CSNK1G3: variants seen among roughly 807,000 people sequenced by gnomAD.
CSNK1G3 encodes casein kinase 1 gamma 3.
In CSNK1G3, 23 loss-of-function variants were observed where a neutral mutation model predicts 64.3. That is an observed-to-expected ratio of 0.36 (90% confidence interval 0.26 to 0.51). CSNK1G3 has a LOEUF of 0.51. CSNK1G3 is among the 20% of genes least tolerant of loss of function. The pLI is 0.96. For missense variants in CSNK1G3, 357 were observed against 510.5 expected, an observed-to-expected ratio of 0.70 and a Z score of 2.90; for synonymous variants, 158 against 162.2, an observed-to-expected ratio of 0.97 and a Z score of 0.20.
At chr5:123,558,224 A>G (rs1212824477) in intron 4 of CSNK1G3, among the ~76,000 whole-genome samples, 3 of 152,192 alleles carry the variant, frequency 2.0e-5, no homozygotes, top group Non-Finnish European at 4.4e-5. Flanking sequence ...TGTTGTTGTA[A>G]GCCACCAAAT....
intron 4 of CSNK1G3, among the ~76,000 whole-genome samples, chr5:123,560,824 TG>T (rs1331327493): frequency 6.6e-6 from 1 of 151,868 alleles, no homozygotes; most frequent in Non-Finnish European, 1.5e-5. Context: ...AGGGCAGAAA[TG>T]GGGAATTATT....
chr5:123,521,401 G>A (rs971552257), intron 1 of CSNK1G3, among the ~76,000 whole-genome samples: 18 of 152,220 alleles, frequency 1.2e-4, no homozygotes, highest in African/African-American at 4.3e-4. Flanking sequence ...GCAAATGTTT[G>A]TAGTTAATAA....
intron 6 of CSNK1G3, among the ~76,000 whole-genome samples, chr5:123,582,799 T>G (rs1790550132): frequency 6.6e-6 from 1 of 152,126 alleles, no homozygotes; most frequent in South Asian, 2.1e-4. Context: ...TTAAAGACCC[T>G]AGGGGGTGTT....
intron 8 of CSNK1G3, 92 bp downstream of exon 8, chr5:123,588,603 T>A: frequency 1.2e-6 from 1 of 838,206 alleles, no homozygotes; most frequent in Non-Finnish European, 1.9e-6. Context: ...TTTTCTATGC[T>A]TAAAAAAAAA....
chr5:123,518,659 A>AGTTATCATAAGGGAAGTAAG (rs1462464348), intron 1 of CSNK1G3, among the ~76,000 whole-genome samples: 2 of 152,180 alleles, frequency 1.3e-5, no homozygotes, highest in Non-Finnish European at 2.9e-5. Context: ...CGTCCTAACT[A>AGTTATCATAAGGGAAGTAAG]GTTATCATAA....
At chr5:123,602,415 T>C (rs1461279201) in intron 10 of CSNK1G3, among the ~76,000 whole-genome samples, 1 of 152,178 alleles carries the variant, frequency 6.6e-6, no homozygotes, top group Non-Finnish European at 1.5e-5. Flanking sequence ...GTATTCCAAA[T>C]ACCTAGAACA....
In CSNK1G3 at chr5:123,523,958, C is replaced by G. The variant is rs1234044157; in HGVS notation, c.-248+11388C>G. Among the ~76,000 whole-genome samples the G allele has an allele frequency of 2.0e-5, 3 of 152,076 alleles. No homozygotes were observed. In the South Asian group the frequency reaches 6.2e-4, roughly 31 times the overall value. On this transcript the variant is annotated intron_variant, in intron 1 of 12. Coordinates refer to ENST00000345990, the Ensembl canonical transcript of CSNK1G3. ...GTGGTGTTAAATATATGGTGTATAC[C>G]CACTGTATCACCTGTCAAAAATCTC...
chr5:123,600,745 T>C (rs753946405), intron 10 of CSNK1G3, among the ~76,000 whole-genome samples: 5 of 152,108 alleles, frequency 3.3e-5, no homozygotes, highest in Non-Finnish European at 7.4e-5. Context: ...AAAAATACTA[T>C]ATGTTATGTC....
intron 3 of CSNK1G3, among the ~76,000 whole-genome samples, chr5:123,556,966 G>C (rs1228572564): frequency 6.6e-6 from 1 of 152,050 alleles, no homozygotes; most frequent in African/African-American, 2.4e-5. Flanking sequence ...TGGTGTGGTG[G>C]TTATAGGGAT....
intron 10 of CSNK1G3, 92 bp from the exon 11 acceptor site, chr5:123,594,946 TA>T: frequency 1.0e-6 from 1 of 992,444 alleles, no homozygotes; most frequent in African/African-American, 1.7e-5. Context: ...AATTTCCTTT[TA>T]TACGTTTGTT....
intron 1 of CSNK1G3, among the ~76,000 whole-genome samples, chr5:123,540,469 A>G (rs919718266): frequency 1.3e-5 from 2 of 152,028 alleles, no homozygotes; most frequent in African/African-American, 2.4e-5. Context: ...TAATATAGGC[A>G]TTTAAAGCTT....
At chr5:123,609,097 A>C (rs1416367470) in intron 12 of CSNK1G3, among the ~76,000 whole-genome samples, 1 of 152,210 alleles carries the variant, frequency 6.6e-6, no homozygotes, top group African/African-American at 2.4e-5. Context: ...TAACTCATGC[A>C]GGCAGAGAAT....
intron 6 of CSNK1G3, among the ~76,000 whole-genome samples, chr5:123,579,054 A>C (rs566340167): frequency 6.6e-6 from 1 of 152,068 alleles, no homozygotes; most frequent in South Asian, 2.1e-4. Flanking sequence ...CAAATATACA[A>C]TCACAGATTT....
chr5:123,567,915 T>C (rs1285104557), intron 4 of CSNK1G3, among the ~76,000 whole-genome samples: 1 of 152,192 alleles, frequency 6.6e-6, no homozygotes, highest in Non-Finnish European at 1.5e-5. Flanking sequence ...GCATAAAAAT[T>C]AGTGCTTCGG....
chr5:123,603,176 T>A (rs2151133994), intron 10 of CSNK1G3, among the ~76,000 whole-genome samples: 1 of 152,224 alleles, frequency 6.6e-6, no homozygotes, highest in South Asian at 2.1e-4. Context: ...TAACTCTTAT[T>A]AGAGTTCTTA....
At position 123,588,010 on chromosome 5, in the gene CSNK1G3, A is replaced by G. The variant is rs938890027; in HGVS notation, c.674-58A>G. ...TACATAATGAAAGAACAAACTCTCC[A>G]TTCTTCCATTCTTAACTGTTAGAGA... On this transcript the variant is annotated intron_variant, in intron 6 of 12. Transcript: ENST00000345990. 8.1e-5 allele frequency: 88 copies of G among 1,083,858 alleles called. 1 individual carries two copies. Among genetic ancestry groups the G allele is most frequent in the South Asian group, 1.1e-4 (8 of 70,764 alleles). 67.1% of individuals were successfully genotyped at this position (1,083,858 alleles called of 1,614,324 possible).
chr5:123,535,747 A>G (rs934181937), intron 1 of CSNK1G3, among the ~76,000 whole-genome samples: 2 of 152,054 alleles, frequency 1.3e-5, no homozygotes. Flanking sequence ...CTTGTCATGT[A>G]TCTTTATAAG....
chr5:123,532,820 C>T lies in CSNK1G3; in HGVS notation c.-247-12597C>T, dbSNP rs1459429089. Among the ~76,000 whole-genome samples the T allele has an allele frequency of 4.6e-5, 7 of 151,778 alleles. 1 individual carries two copies. Among genetic ancestry groups the T allele is most frequent in the African/African-American group, 1.4e-4 (6 of 41,488 alleles). On this transcript the variant is annotated intron_variant, in intron 1 of 12. Coordinates refer to ENST00000345990, the Ensembl canonical transcript of CSNK1G3. Reference sequence around the variant, plus strand: ...TTAATAGGTCTATTAAATTAATGCCCGTATGTGGAAAAGAAATATAAGCAA... The same window carrying T: ...TTAATAGGTCTATTAAATTAATGCCTGTATGTGGAAAAGAAATATAAGCAA...
chr5:123,528,979 A>T (rs1779499211), intron 1 of CSNK1G3, among the ~76,000 whole-genome samples: 1 of 152,138 alleles, frequency 6.6e-6, no homozygotes, highest in African/African-American at 2.4e-5. Flanking sequence ...CTTTCTGAAG[A>T]AGAGTTTGCT....
Sources: gnomAD v4.1 joint callset for allele counts (sites outside exome capture counted in the v4.1 genomes callset) on GRCh38, gnomAD v4.1.1 for gene constraint, MANE v1.5 for transcripts, NCBI Gene and HGNC (gene_info 2026-07-23, HGNC 2026-07-21) for gene names.